Variants in DLGAP2 observed in about 807,000 individuals in gnomAD.
DLGAP2 encodes DLG associated protein 2, also known as disks large-associated protein 2.
DLGAP2 carries 26 observed loss-of-function variants against 100.3 expected under a neutral mutation model. The observed-to-expected ratio is 0.26, with a 90% confidence interval of 0.19 to 0.36. The LOEUF is 0.36. DLGAP2 is among the 10% of genes least tolerant of loss of function. The pLI is 1.00. For synonymous variants in DLGAP2, 886 were observed against 630.1 expected (o/e 1.41, Z -6.08); for missense variants, 1,858 against 1,453.2 (o/e 1.28, Z -4.53).
chr8:1,426,033 A>T (rs28404152), intron 3 of DLGAP2, among the ~76,000 whole-genome samples: 4 of 152,142 alleles, frequency 2.6e-5, no homozygotes, highest in East Asian at 3.9e-4. Context: ...GGTCCTCAGC[A>T]TGAGAATGAG....
chr8:909,613 CA>C, intron 2 of DLGAP2, among the ~76,000 whole-genome samples: 1 of 152,158 alleles, frequency 6.6e-6, no homozygotes, highest in East Asian at 1.9e-4. Flanking sequence ...GGCCTCAACG[CA>C]GAGGACATTA....
At chr8:1,609,085 T>C (rs1430048573) in intron 6 of DLGAP2, among the ~76,000 whole-genome samples, 2,737 of 128,434 alleles carry the variant, frequency 0.021, 130 homozygotes, top group African/African-American at 0.07. Flanking sequence ...AGACACATAA[T>C]TGTCAGATTC....
intron 1 of DLGAP2, among the ~76,000 whole-genome samples, chr8:874,631 T>C (rs1797656570): frequency 6.6e-6 from 1 of 152,246 alleles, no homozygotes; most frequent in Non-Finnish European, 1.5e-5. Context: ...TGGCTTAACA[T>C]ATGGTATATT....
At chr8:890,739 G>T (rs532007604) in intron 1 of DLGAP2, among the ~76,000 whole-genome samples, 3 of 152,234 alleles carry the variant, frequency 2.0e-5, no homozygotes, top group Admixed American at 1.3e-4. Context: ...CCTTGGCAGA[G>T]TGTGGCTGGG....
At chr8:1,037,513 C>T (rs1339421284) in intron 2 of DLGAP2, among the ~76,000 whole-genome samples, 3 of 152,096 alleles carry the variant, frequency 2.0e-5, no homozygotes, top group Non-Finnish European at 2.9e-5. Context: ...GTCCGAGGGA[C>T]GGAGCACGTG....
At chr8:1,462,703 G>C (rs933970355) in intron 3 of DLGAP2, among the ~76,000 whole-genome samples, 5 of 152,160 alleles carry the variant, frequency 3.3e-5, no homozygotes, top group African/African-American at 9.7e-5. Flanking sequence ...CTGGGGAAGG[G>C]GAAGGGACCA....
intron 1 of DLGAP2, among the ~76,000 whole-genome samples, chr8:868,653 C>A (rs547123472): frequency 6.6e-6 from 1 of 152,212 alleles, no homozygotes; most frequent in Admixed American, 6.5e-5. Context: ...ATGTGCTCTT[C>A]CAAGGGTGCG....
intron 3 of DLGAP2, among the ~76,000 whole-genome samples, chr8:1,451,821 G>A (rs1442613343): frequency 6.6e-6 from 1 of 152,162 alleles, no homozygotes. Context: ...CCACTAGGTA[G>A]CTGGCCCACA....
chr8:1,138,623 G>A (rs564802844), intron 2 of DLGAP2, among the ~76,000 whole-genome samples: 1 of 152,228 alleles, frequency 6.6e-6, no homozygotes, highest in African/African-American at 2.4e-5. Context: ...CATTCCCAAC[G>A]AATTCCGTCT....
At chr8:1,050,228 G>A (rs777332996) in intron 2 of DLGAP2, among the ~76,000 whole-genome samples, 8 of 152,166 alleles carry the variant, frequency 5.3e-5, no homozygotes, top group Non-Finnish European at 7.3e-5. Context: ...TACAGTCCCC[G>A]ATTTAACCAT....
At chr8:1,006,983 G>A (rs1400712536) in intron 2 of DLGAP2, among the ~76,000 whole-genome samples, 1 of 151,854 alleles carries the variant, frequency 6.6e-6, no homozygotes, top group African/African-American at 2.4e-5. Flanking sequence ...CAAGTCTCAG[G>A]ATGTGGTCCT....
chr8:1,613,815 C>T (rs1242109609), intron 6 of DLGAP2, among the ~76,000 whole-genome samples: 1 of 152,210 alleles, frequency 6.6e-6, no homozygotes, highest in East Asian at 1.9e-4. Context: ...AGTTCACTCA[C>T]ACTGGCCTCC....
chr8:1,429,713 C>T (rs1038804141), intron 3 of DLGAP2, among the ~76,000 whole-genome samples: 1 of 151,712 alleles, frequency 6.6e-6, no homozygotes, highest in Non-Finnish European at 1.5e-5. Flanking sequence ...CACAACTCTC[C>T]AAGCAGACCT....
chr8:754,056 G>C lies in DLGAP2; in HGVS notation c.18+16231G>C, dbSNP rs569517340. The C allele has an allele frequency of 3.3e-5, 5 of 152,396 alleles. No homozygotes were observed. The South Asian group carries it at 1.0e-3, about 32-fold the overall frequency. 9.4% of individuals were successfully genotyped at this position (152,396 alleles called of 1,614,324 possible). On this transcript the variant is annotated intron_variant, in intron 1 of 14. Transcript: ENST00000637795. ...GGTGGGAAGCTTCGGTTGCCTGGCAGATCTGAGTGAGGATGGAACCGCACC... is the reference window on the plus strand; with the variant it reads ...GGTGGGAAGCTTCGGTTGCCTGGCACATCTGAGTGAGGATGGAACCGCACC...
chr8:1,433,725 G>A (rs1223876107), intron 3 of DLGAP2, among the ~76,000 whole-genome samples: 14 of 145,746 alleles, frequency 9.6e-5, no homozygotes, highest in Admixed American at 2.9e-4. Flanking sequence ...ATACACAGAT[G>A]AGGCAAAACT....
chr8:1,421,257 C>T (rs1797079663), intron 3 of DLGAP2, among the ~76,000 whole-genome samples: 1 of 152,164 alleles, frequency 6.6e-6, no homozygotes, highest in Non-Finnish European at 1.5e-5. Flanking sequence ...GTGAACACAG[C>T]CTGTCCTTTG....
chr8:1,074,450 C>G (rs1374990831), intron 2 of DLGAP2, among the ~76,000 whole-genome samples: 1 of 152,240 alleles, frequency 6.6e-6, no homozygotes, highest in Non-Finnish European at 1.5e-5. Context: ...GTGTGTCCAG[C>G]TAACATCAGA....
rs770291812 is a variant in DLGAP2, at chr8:872,328, C to CTTTTTTT, written c.19-35580_19-35579insTTTTTTT. Among the ~76,000 whole-genome samples the CTTTTTTT allele has an allele frequency of 1.3e-4, 17 of 129,522 alleles. 4 individuals are homozygous for CTTTTTTT. Among genetic ancestry groups the CTTTTTTT allele is most frequent in the Non-Finnish European group, 9.9e-5 (6 of 60,640 alleles). 85.0% of individuals were successfully genotyped at this position (129,522 alleles called of 152,430 possible). ...AACAGAGGAAAGTTTTCTCTCACTT[C>CTTTTTTT]TTTTCTTTTTTTTTTTTTTTTTGAG... On this transcript the variant is annotated intron_variant, in intron 1 of 14. Coordinates refer to ENST00000637795, the MANE Select transcript of DLGAP2 (RefSeq NM_001346810.2).
chr8:855,050 G>A (rs1797251127), intron 1 of DLGAP2, among the ~76,000 whole-genome samples: 1 of 152,188 alleles, frequency 6.6e-6, no homozygotes, highest in Non-Finnish European at 1.5e-5. Context: ...GGGAGTGATG[G>A]TAGGCGCTTG....
Sources: allele counts gnomAD v4.1 joint callset (sites outside exome capture counted in the v4.1 genomes callset), GRCh38; gene constraint gnomAD v4.1.1; transcripts MANE v1.5; gene names NCBI Gene and HGNC (gene_info 2026-07-23, HGNC 2026-07-21).